PIN4: variants seen among roughly 807,000 people sequenced by gnomAD.
PIN4 encodes the protein peptidylprolyl cis/trans isomerase, NIMA-interacting 4, also known as peptidyl-prolyl cis-trans isomerase NIMA-interacting 4.
A neutral mutation model predicts 8.3 loss-of-function variants in PIN4; 3 were observed. That is an observed-to-expected ratio of 0.36 (90% CI 0.16 to 0.93). The LOEUF is 0.93. Among genes scored for constraint, PIN4 ranks in the 40% least tolerant of loss-of-function variants. PIN4 has a pLI of 0.44. For missense variants in PIN4, 75 were observed against 100.6 expected, an observed-to-expected ratio of 0.75 and a Z score of 1.09; for synonymous variants, 18 against 32.5, an observed-to-expected ratio of 0.55 and a Z score of 1.52.
At chrX:72,195,342 T>G (rs564508280) in intron 2 of PIN4, among the ~76,000 whole-genome samples, 1 of 111,902 alleles carries the variant, frequency 8.9e-6, no homozygotes, top group South Asian at 3.7e-4. Context: ...GGGTCTCTTT[T>G]AGTAAGAAAT....
downstream of PIN4, among the ~76,000 whole-genome samples, chrX:72,200,896 C>T (rs529941563): frequency 9.8e-5 from 11 of 112,213 alleles, no homozygotes; most frequent in South Asian, 4.1e-3. Context: ...CCTATGGATC[C>T]CTTTTCAAAA....
At chrX:72,223,546 C>T (rs766993509) in intron 3 of PIN4, among the ~76,000 whole-genome samples, 2 of 107,615 alleles carry the variant, frequency 1.9e-5, no homozygotes, top group South Asian at 4.2e-4. Context: ...TGCGCCACCC[C>T]ACCCAGCTAA....
intron 3 of PIN4, chrX:72,205,196 C>T: frequency 8.3e-7 from 1 of 1,211,627 alleles, no homozygotes; most frequent in Non-Finnish European, 1.1e-6. Context: ...GCCGCCTTAT[C>T]CTGGGGAGAA....
In PIN4 at chrX:72,185,147, C is replaced by CAAAAAAAAAAAA. The variant is rs746215043; in HGVS notation, c.44-1306_44-1295dup. Among the ~76,000 whole-genome samples the CAAAAAAAAAAAA allele has an allele frequency of 8.9e-3, 217 of 24,332 alleles. 40 individuals carry two copies. The highest frequency in any genetic ancestry group is 0.031 in the East Asian group (27 of 873). 21.1% of individuals were successfully genotyped at this position (24,332 alleles called of 115,157 possible). On this transcript the variant is annotated intron_variant, in intron 1 of 3. Coordinates refer to ENST00000373669, the MANE Select transcript of PIN4 (RefSeq NM_006223.4). ...CGACAGACAGAGCGAGACTCCGTCT[C>CAAAAAAAAAAAA]AAAAAAAAAAAAAAAAAAACAACTT...
chrX:72,259,596 C>T (rs952049516), intron 3 of PIN4, among the ~76,000 whole-genome samples: 17 of 110,219 alleles, frequency 1.5e-4, no homozygotes, highest in Non-Finnish European at 3.0e-4. Context: ...GAAGTTGGTA[C>T]AATTATTATC....
At chrX:72,228,777 T>C (rs2042967354) in intron 3 of PIN4, among the ~76,000 whole-genome samples, 1 of 110,817 alleles carries the variant, frequency 9.0e-6, no homozygotes, top group Admixed American at 9.7e-5. Context: ...ATACCCTAAG[T>C]ACATCAACCT....
intron 3 of PIN4, among the ~76,000 whole-genome samples, chrX:72,249,918 A>G (rs2043080337): frequency 9.0e-6 from 1 of 110,984 alleles, no homozygotes; most frequent in African/African-American, 3.3e-5. Context: ...TTTAAGACTC[A>G]TGCCCAGGCC....
At chrX:72,254,062 C>T (rs2043098891) in intron 3 of PIN4, among the ~76,000 whole-genome samples, 1 of 112,301 alleles carries the variant, frequency 8.9e-6, no homozygotes, top group African/African-American at 3.2e-5. Context: ...TAAAGCAGAT[C>T]AGGTCACTCC....
At chrX:72,222,891 C>T (rs771284015) in intron 3 of PIN4, among the ~76,000 whole-genome samples, 5 of 108,077 alleles carry the variant, frequency 4.6e-5, no homozygotes, top group South Asian at 4.2e-4. Flanking sequence ...CCACTGCGCC[C>T]GGCCTGAATC....
intron 2 of PIN4, among the ~76,000 whole-genome samples, chrX:72,193,451 A>C (rs1286028474): frequency 1.8e-5 from 2 of 111,406 alleles, no homozygotes; most frequent in East Asian, 5.6e-4. Flanking sequence ...GGGACAGGAC[A>C]TGGAGGTAGA....
intron 3 of PIN4, chrX:72,205,498 C>A (rs1434421525): frequency 8.3e-7 from 1 of 1,210,025 alleles, no homozygotes; most frequent in Non-Finnish European, 1.1e-6. Flanking sequence ...CAGAGATCTT[C>A]TAGAGTTCAT....
intron 2 of PIN4, among the ~76,000 whole-genome samples, chrX:72,191,909 C>T (rs1191807626): frequency 6.4e-5 from 7 of 110,094 alleles, no homozygotes; most frequent in East Asian, 2.9e-4. Context: ...CCCTTCATTC[C>T]GAAAATATGC....
chrX:72,233,626 G>A (rs979974020), intron 3 of PIN4, among the ~76,000 whole-genome samples: 3 of 107,868 alleles, frequency 2.8e-5, no homozygotes, highest in Non-Finnish European at 5.7e-5. Context: ...GGAGGCTGAG[G>A]CAGGAGAATC....
At chrX:72,248,738 G>A (rs2043076641) in intron 3 of PIN4, among the ~76,000 whole-genome samples, 3 of 111,466 alleles carry the variant, frequency 2.7e-5, no homozygotes, top group Non-Finnish European at 5.6e-5. Context: ...TTAGCCAGGC[G>A]TGGTGGTGCA....
intron 3 of PIN4, among the ~76,000 whole-genome samples, chrX:72,252,760 T>C (rs2043093091): frequency 1.8e-5 from 2 of 111,669 alleles, no homozygotes; most frequent in Non-Finnish European, 3.8e-5. Flanking sequence ...TAATCACCTA[T>C]CAAAGGCCCC....
rs746054677 is a variant in PIN4 at position 72,219,282 on chromosome X, G to A, written c.312+22378G>A. Among the ~76,000 whole-genome samples, 6 of 108,220 alleles carry A rather than the reference G, an allele frequency of 5.5e-5. No individual in the cohort carries two copies. The East Asian group carries it at 1.8e-3, about 32-fold the overall frequency. 94.0% of individuals were successfully genotyped at this position (108,220 alleles called of 115,157 possible). ...GAAATAAATAAATAAGGCCAGGTGCGGTGGCTCATGCCTGTAATCCCAGTA... is the reference window on the plus strand; with the variant it reads ...GAAATAAATAAATAAGGCCAGGTGCAGTGGCTCATGCCTGTAATCCCAGTA... On this transcript the variant is annotated intron_variant, in intron 3 of 3. Coordinates refer to the PIN4 transcript ENST00000423432.
Position 72,186,751 on chromosome X carries a change from C to G in PIN4, c.117+217C>G, listed in dbSNP as rs149177382. Among the ~76,000 whole-genome samples, 499 of 110,952 alleles carry G rather than the reference C, an allele frequency of 4.5e-3. 2 individuals are homozygous for G. Among genetic ancestry groups the G allele is most frequent in the African/African-American group, 0.015 (460 of 30,539 alleles). The stretch of plus-strand genomic sequence containing the variant: ...CCTGGCCAAAATGGTGAAACCCTGT[C>G]TCTACTAAAAATACAAAAATTTGCC... On this transcript the variant is annotated intron_variant, in intron 2 of 3. Transcript: ENST00000373669.
At position 72,188,456 on chromosome X, in the gene PIN4, C is replaced by T. The variant is rs12388737; in HGVS notation, c.117+1922C>T. Among the ~76,000 whole-genome samples the T allele has an allele frequency of 9.2e-3, 1,023 of 111,042 alleles. 17 individuals are homozygous for T. Among genetic ancestry groups the T allele is most frequent in the African/African-American group, 0.032 (989 of 30,477 alleles). On this transcript the variant is annotated intron_variant, in intron 2 of 3. Transcript: ENST00000373669. ...CACTGCGACCTCCGCCTCCCAGGTT[C>T]AAGCGATTGTCCTGCCTCAGCCTCC...
intron 2 of PIN4, among the ~76,000 whole-genome samples, chrX:72,194,384 T>A (rs2042752665): frequency 9.0e-6 from 1 of 111,450 alleles, no homozygotes; most frequent in Non-Finnish European, 1.9e-5. Context: ...AATACAAAAC[T>A]TATCCAGGTG....
Sources: allele counts gnomAD v4.1 joint callset (sites outside exome capture counted in the v4.1 genomes callset), GRCh38; gene constraint gnomAD v4.1.1; transcripts MANE v1.5; gene names NCBI Gene and HGNC (gene_info 2026-07-23, HGNC 2026-07-21).